Variants in DGKB observed in about 807,000 individuals in gnomAD.
The protein encoded by DGKB is diacylglycerol kinase beta, also known as 90 kDa diacylglycerol kinase.
Under a neutral mutation model 114.3 loss-of-function variants are expected in DGKB, and 67 were observed. The ratio of observed to expected loss-of-function variants is 0.59; its 90% CI spans 0.48 to 0.72. The LOEUF is 0.72. DGKB is among the 30% of genes least tolerant of loss of function. The pLI is 0.00. For missense variants in DGKB, 907 were observed against 975.2 expected (o/e 0.93, Z 0.93); for synonymous variants, 398 against 323.1 (o/e 1.23, Z -2.49).
chr7:14,438,588 G>C lies in DGKB; in HGVS notation c.1835+39573C>G, dbSNP rs572823749. The stretch of plus-strand genomic sequence containing the variant: ...AGTGCTATGAATCTTGCTTCCTGGA[G>C]TGACAGAGGTTGGAGCGTGGGTGAG... On this transcript the variant is annotated intron_variant, in intron 21 of 25. Coordinates refer to ENST00000402815, the MANE Select transcript of DGKB (RefSeq NM_001350709.2). 8.5e-4 allele frequency among the ~76,000 whole-genome samples: 130 copies of C among 152,196 alleles called. No individual in the cohort carries two copies. The Middle Eastern group carries it at 0.014, about 16-fold the overall frequency.
At chr7:14,608,416 C>A (rs1307250030) in intron 16 of DGKB, among the ~76,000 whole-genome samples, 1 of 151,840 alleles carries the variant, frequency 6.6e-6, no homozygotes, top group Admixed American at 6.6e-5. Context: ...CTTCAACAGA[C>A]TAGACATCAA....
intron 23 of DGKB, among the ~76,000 whole-genome samples, chr7:14,217,375 A>G (rs1789160821): frequency 6.6e-6 from 1 of 152,010 alleles, no homozygotes; most frequent in African/African-American, 2.4e-5. Flanking sequence ...CTAGACTTCA[A>G]ATCTCTGAAG....
Position 14,148,922 on chromosome 7 carries a change from C to G in DGKB, c.*209G>C, listed in dbSNP as rs1435412937. On this transcript the variant is annotated 3_prime_UTR_variant, in exon 26 of 26. Transcript: ENST00000402815. ...ATGCAGTATCACTTCAGGTAAACTTCTGCTTTCTTCATGCAAAGATGCCTA... is the reference window on the plus strand; with the variant it reads ...ATGCAGTATCACTTCAGGTAAACTTGTGCTTTCTTCATGCAAAGATGCCTA... The G allele has an allele frequency of 3.5e-6, 2 of 574,576 alleles. No homozygotes were observed. 35.6% of individuals were successfully genotyped at this position (574,576 alleles called of 1,614,324 possible).
intron 21 of DGKB, among the ~76,000 whole-genome samples, chr7:14,385,065 G>C (rs992076616): frequency 6.6e-6 from 1 of 152,084 alleles, no homozygotes; most frequent in Non-Finnish European, 1.5e-5. Flanking sequence ...TGGAGGTTTT[G>C]CTGTACTCCT....
intron 6 of DGKB, among the ~76,000 whole-genome samples, chr7:14,712,286 A>G (rs987854164): frequency 6.6e-6 from 1 of 152,244 alleles, no homozygotes; most frequent in Non-Finnish European, 1.5e-5. Context: ...TCAGCATCCA[A>G]ATAATATTGG....
chr7:14,963,274 T>C (rs146668110), intron 1 of DGKB, among the ~76,000 whole-genome samples: 164 of 152,230 alleles, frequency 1.1e-3, no homozygotes, highest in Middle Eastern at 0.01. Context: ...CCCTGAGCTT[T>C]GGAAGGACAA....
chr7:14,250,135 T>A (rs201981014), intron 23 of DGKB, among the ~76,000 whole-genome samples: 64,650 of 116,572 alleles, frequency 0.55, 15,067 homozygotes, highest in South Asian at 0.6. Flanking sequence ...TATATATATT[T>A]TTTTTTTTTT....
At chr7:14,784,001 A>G (rs1839494799) in intron 2 of DGKB, among the ~76,000 whole-genome samples, 2 of 152,228 alleles carry the variant, frequency 1.3e-5, no homozygotes, top group South Asian at 4.1e-4. Flanking sequence ...AATTACAAGA[A>G]TCATAAATAT....
At chr7:14,271,505 G>C (rs1798264842) in intron 23 of DGKB, among the ~76,000 whole-genome samples, 1 of 152,196 alleles carries the variant, frequency 6.6e-6, no homozygotes, top group Non-Finnish European at 1.5e-5. Flanking sequence ...ACAGGGCACA[G>C]AGGCCGCAAA....
chr7:14,245,808 G>A (rs968627290), intron 23 of DGKB, among the ~76,000 whole-genome samples: 2 of 151,914 alleles, frequency 1.3e-5, no homozygotes, highest in African/African-American at 2.4e-5. Flanking sequence ...TGCGCCTGTA[G>A]TCCCAGCTAC....
At chr7:14,406,739 T>C (rs1052609188) in intron 21 of DGKB, among the ~76,000 whole-genome samples, 2 of 152,236 alleles carry the variant, frequency 1.3e-5, no homozygotes, top group African/African-American at 2.4e-5. Context: ...CTAACTAGCA[T>C]GTTGAACAAT....
intron 2 of DGKB, among the ~76,000 whole-genome samples, chr7:14,780,984 T>A (rs1839002895): frequency 6.6e-6 from 1 of 152,218 alleles, no homozygotes. Flanking sequence ...TTCATTTGTG[T>A]CACTTCTTAT....
chr7:14,897,367 T>C (rs938956588), intron 1 of DGKB, among the ~76,000 whole-genome samples: 1 of 151,910 alleles, frequency 6.6e-6, no homozygotes, highest in African/African-American at 2.4e-5. Context: ...TCTTCTCTAG[T>C]GGTAGTGAAG....
chr7:14,873,513 T>A (rs1316341736), intron 1 of DGKB, among the ~76,000 whole-genome samples: 1 of 152,030 alleles, frequency 6.6e-6, no homozygotes, highest in Admixed American at 6.6e-5. Context: ...CTATAGAAAT[T>A]CAGGAACATT....
At chr7:14,583,681 T>C (rs1320021860) in intron 17 of DGKB, among the ~76,000 whole-genome samples, 1 of 152,188 alleles carries the variant, frequency 6.6e-6, no homozygotes, top group Non-Finnish European at 1.5e-5. Flanking sequence ...GGAGGCAGGC[T>C]TCACCTTGTA....
chr7:14,497,830 T>C (rs924724632), intron 20 of DGKB, among the ~76,000 whole-genome samples: 3 of 151,938 alleles, frequency 2.0e-5, no homozygotes, highest in Non-Finnish European at 4.4e-5. Flanking sequence ...CCTTCTGTTC[T>C]AGGAGATGGC....
intron 21 of DGKB, among the ~76,000 whole-genome samples, chr7:14,424,147 C>T (rs1394167541): frequency 1.3e-5 from 2 of 152,050 alleles, no homozygotes; most frequent in Non-Finnish European, 2.9e-5. Context: ...CTAGCCAAAT[C>T]CTACCATTCA....
chr7:14,513,558 T>C (rs897432501), intron 20 of DGKB, among the ~76,000 whole-genome samples: 11 of 152,078 alleles, frequency 7.2e-5, no homozygotes, highest in South Asian at 2.1e-4. Context: ...TCATACTATG[T>C]CAACAGAATG....
intron 17 of DGKB, among the ~76,000 whole-genome samples, chr7:14,589,708 G>A (rs1288578758): frequency 1.3e-5 from 2 of 151,994 alleles, no homozygotes; most frequent in African/African-American, 2.4e-5. Context: ...ATATATTTCT[G>A]CATTATTAAT....
Sources: allele counts gnomAD v4.1 joint callset (sites outside exome capture counted in the v4.1 genomes callset), GRCh38; gene constraint gnomAD v4.1.1; transcripts MANE v1.5; gene names NCBI Gene and HGNC (gene_info 2026-07-23, HGNC 2026-07-21).